The following RGS3 variants were observed in gnomAD, a reference collection of about 807,000 sequenced individuals.
The protein encoded by RGS3 is regulator of G protein signaling 3.
A neutral mutation model predicts 132.6 loss-of-function variants in RGS3; 80 were observed. The ratio of observed to expected loss-of-function variants is 0.60; its 90% CI spans 0.50 to 0.73. RGS3 has a LOEUF of 0.73. RGS3 is among the 30% of genes least tolerant of loss of function. The pLI, the probability that RGS3 is intolerant of heterozygous loss-of-function variation, is 0.00. For synonymous variants in RGS3, 598 were observed against 620.6 expected, an observed-to-expected ratio of 0.96 and a Z score of 0.54; for missense variants, 1,382 against 1,530.8, an observed-to-expected ratio of 0.90 and a Z score of 1.62.
chr9:113,499,226 CA>C (rs57507668), intron 10 of RGS3, among the ~76,000 whole-genome samples: 153 of 60,690 alleles, frequency 2.5e-3, no homozygotes, highest in South Asian at 5.9e-3. Flanking sequence ...GATTCCATCT[CA>C]AAAAAAAAAA....
chr9:113,445,061 G>T (rs1240196364), intron 1 of RGS3: 1 of 152,182 alleles, frequency 6.6e-6, no homozygotes, highest in African/African-American at 2.4e-5. Flanking sequence ...GATTTAGCCT[G>T]TTGGAATATG....
intron 3 of RGS3, 72 bp from the exon 2 acceptor site, chr9:113,479,419 C>A: frequency 1.4e-6 from 2 of 1,426,130 alleles, no homozygotes; most frequent in Admixed American, 1.7e-5. Context: ...TTTCTGTCAC[C>A]TTTCCTCTAG....
chr9:113,583,958 C>T (rs1168147157), exon 20 of RGS3: 4 of 1,614,066 alleles, frequency 2.5e-6, no homozygotes, highest in Admixed American at 3.3e-5. Flanking sequence ...CCACCTGCGG[C>T]CCCCAGGCCA....
rs1352127620 is a variant in RGS3 at position 113,595,478 on chromosome 9, C to A, written c.3245-121C>A. The A allele has an allele frequency of 2.5e-5, 27 of 1,093,398 alleles. No individual in the cohort carries two copies. The East Asian group carries it at 5.5e-4, about 22-fold the overall frequency. The allele number at this position is 1,093,398 out of a possible 1,614,324, so 67.7% of individuals were successfully genotyped here. A position where few individuals can be genotyped will look rare whatever the true frequency, so the allele number is the denominator to read the frequency against. ...TCCCAGGGCTCCTGGCTGTCGGGGA[C>A]GGGCATTGTACTCAGCTCCCAGCAC... On this transcript the variant is annotated intron_variant, in intron 23 of 24. Transcript: ENST00000350696.
At chr9:113,529,462 C>G (rs1203544776) in intron 18 of RGS3, among the ~76,000 whole-genome samples, 198 bp downstream of exon 16, 1 of 152,218 alleles carries the variant, frequency 6.6e-6, no homozygotes, top group Admixed American at 6.5e-5. Context: ...TCTCTCACCT[C>G]TGTGTTAAAG....
chr9:113,454,103 C>T (rs888013601), intron 1 of RGS3, among the ~76,000 whole-genome samples: 4 of 151,936 alleles, frequency 2.6e-5, no homozygotes, highest in African/African-American at 9.7e-5. Flanking sequence ...TGTGAGCCAC[C>T]ATACCTGGCG....
intron 19 of RGS3, among the ~76,000 whole-genome samples, chr9:113,554,345 C>G (rs1833480725): frequency 6.6e-6 from 1 of 152,216 alleles, no homozygotes; most frequent in Admixed American, 6.5e-5. Flanking sequence ...CTTGCTCTGT[C>G]ACAAGGCTGG....
intron 14 of RGS3, among the ~76,000 whole-genome samples, chr9:113,509,484 C>A (rs1831306797): frequency 6.6e-6 from 1 of 152,114 alleles, no homozygotes; most frequent in African/African-American, 2.4e-5. Context: ...TGGATGGATT[C>A]TTCTTCTTTG....
At chr9:113,500,671 A>C (rs1173515605) in intron 10 of RGS3, among the ~76,000 whole-genome samples, 2 of 151,322 alleles carry the variant, frequency 1.3e-5, no homozygotes, top group African/African-American at 2.4e-5. Context: ...CCATGGACAA[A>C]GGACAAATAA....
At chr9:113,592,066 C>T (rs996807104) in intron 21 of RGS3, 1 of 152,576 alleles carries the variant, frequency 6.6e-6, no homozygotes, top group Non-Finnish European at 1.5e-5. Context: ...AGCCCCTCCC[C>T]ACCAGGTCCT....
chr9:113,516,107 A>G (rs1831645730), intron 15 of RGS3, among the ~76,000 whole-genome samples: 1 of 152,346 alleles, frequency 6.6e-6, no homozygotes, highest in South Asian at 2.1e-4. Context: ...TATCAGCAGC[A>G]TAGACATGAC....
intron 18 of RGS3, among the ~76,000 whole-genome samples, chr9:113,532,951 T>C (rs1208616148): frequency 6.6e-6 from 1 of 152,226 alleles, no homozygotes; most frequent in African/African-American, 2.4e-5. Flanking sequence ...TGGTCGCCTC[T>C]TGGTCCAGTC....
At chr9:113,461,751 C>A in exon 2 of RGS3, 8 of 1,614,178 alleles carry the variant, frequency 5.0e-6, no homozygotes, top group Non-Finnish European at 6.8e-6. Context: ...CTTTCTGGAT[C>A]TCACCGTCCT....
intron 10 of RGS3, among the ~76,000 whole-genome samples, chr9:113,502,567 T>A (rs1033542041): frequency 6.6e-6 from 1 of 152,154 alleles, no homozygotes; most frequent in Non-Finnish European, 1.5e-5. Flanking sequence ...CTCATGGGGC[T>A]GGGAAAAGCA....
intron 19 of RGS3, chr9:113,541,976 A>G: frequency 1.7e-6 from 1 of 575,560 alleles, no homozygotes; most frequent in Non-Finnish European, 2.2e-6. Context: ...TCAAGATTTC[A>G]GTCTAGCTGG....
chr9:113,457,339 T>C (rs1829386734), upstream of RGS3, among the ~76,000 whole-genome samples: 1 of 152,218 alleles, frequency 6.6e-6, no homozygotes, highest in Non-Finnish European at 1.5e-5. Context: ...TTTATCATCT[T>C]GGTTTGCCTA....
intron 1 of RGS3, among the ~76,000 whole-genome samples, chr9:113,450,694 G>T (rs151192044): frequency 1.3e-5 from 2 of 152,194 alleles, no homozygotes; most frequent in African/African-American, 4.8e-5. Context: ...GGAGGGAAGA[G>T]GACTAAAGGC....
intron 3 of RGS3, among the ~76,000 whole-genome samples, chr9:113,470,344 G>A (rs1829790711): frequency 6.6e-6 from 1 of 152,164 alleles, no homozygotes. Flanking sequence ...TAAGAGAGGT[G>A]TATTAGAATT....
At chr9:113,567,004 G>A (rs1439943444) in intron 19 of RGS3, among the ~76,000 whole-genome samples, 1 of 152,260 alleles carries the variant, frequency 6.6e-6, no homozygotes, top group Non-Finnish European at 1.5e-5. Context: ...TTCCACAACA[G>A]GGCTCACTGC....
Sources: gnomAD v4.1 joint callset for allele counts (sites outside exome capture counted in the v4.1 genomes callset) on GRCh38, gnomAD v4.1.1 for gene constraint, MANE v1.5 for transcripts, NCBI Gene and HGNC (gene_info 2026-07-23, HGNC 2026-07-21) for gene names.